The following STAG1 variants were observed in gnomAD, a reference collection of about 807,000 sequenced individuals.
STAG1 encodes cohesin subunit SA-1.
In STAG1, 26 loss-of-function variants were observed where a neutral mutation model predicts 170.9. The ratio of observed to expected loss-of-function variants is 0.15; its 90% CI spans 0.11 to 0.21. STAG1 has a LOEUF of 0.21. STAG1 is among the 10% of genes least tolerant of loss of function. The probability of loss-of-function intolerance (pLI) is 1.00; values close to 1 mark genes in which losing one functional copy is unlikely to be tolerated. For synonymous variants in STAG1, 514 were observed against 497.7 expected, an observed-to-expected ratio of 1.03 and a Z score of -0.44; for missense variants, 964 against 1,509.5, an observed-to-expected ratio of 0.64 and a Z score of 5.99.
chr3:136,407,064 T>A (rs2087504542), intron 21 of STAG1, among the ~76,000 whole-genome samples: 1 of 152,256 alleles, frequency 6.6e-6, no homozygotes, highest in African/African-American at 2.4e-5. Flanking sequence ...TTTGCTCTTG[T>A]TGCCCAGGCT....
chr3:136,642,979 C>T (rs545306025), intron 1 of STAG1, among the ~76,000 whole-genome samples: 3 of 152,318 alleles, frequency 2.0e-5, no homozygotes, highest in African/African-American at 7.2e-5. Context: ...ATTCTCTTCC[C>T]TGTGTCTGTC....
intron 28 of STAG1, among the ~76,000 whole-genome samples, chr3:136,355,125 G>A (rs1432568344): frequency 2.0e-5 from 3 of 151,798 alleles, no homozygotes; most frequent in East Asian, 3.9e-4. Flanking sequence ...GGCCGAGGTG[G>A]GCAGATTACT....
intron 5 of STAG1, among the ~76,000 whole-genome samples, chr3:136,548,971 C>A (rs1936272252): frequency 6.6e-6 from 1 of 152,174 alleles, no homozygotes; most frequent in Non-Finnish European, 1.5e-5. Flanking sequence ...GCTTTCCCTT[C>A]TAATTCTGCC....
At chr3:136,445,670 T>C (rs1355750386) in intron 14 of STAG1, among the ~76,000 whole-genome samples, 2 of 152,196 alleles carry the variant, frequency 1.3e-5, no homozygotes, top group African/African-American at 4.8e-5. Context: ...TGTATTTCTG[T>C]AGAATAGGTA....
rs755841845 is a variant in STAG1, at chr3:136,359,138, TCTCA to T, written c.2936+6_2936+9del. ...CAGATTCTGCATAACAAAGTGTTTA[TCTCA>T]CTCACTTGTGAAGTGTGGCAACTGC... On this transcript the variant is annotated splice_donor_region_variant and intron_variant, in intron 27 of 33. Coordinates refer to ENST00000383202, the MANE Select transcript of STAG1 (RefSeq NM_005862.3). 2 of 1,596,054 alleles carry T rather than the reference TCTCA, an allele frequency of 1.3e-6. No individual in the cohort carries two copies. The highest frequency in any genetic ancestry group is 1.1e-5 in the South Asian group (1 of 88,284).
chr3:136,653,979 G>A (rs1053663299), intron 1 of STAG1, among the ~76,000 whole-genome samples: 5 of 151,998 alleles, frequency 3.3e-5, no homozygotes, highest in African/African-American at 1.2e-4. Context: ...CAACATAAGG[G>A]AATTTTCTCA....
chr3:136,645,719 C>T (rs1478229125), intron 1 of STAG1, among the ~76,000 whole-genome samples: 1 of 152,166 alleles, frequency 6.6e-6, no homozygotes, highest in East Asian at 1.9e-4. Flanking sequence ...GAAATAGTCT[C>T]CTACACTCTG....
chr3:136,739,639 G>T (rs1227882785), intron 1 of STAG1, among the ~76,000 whole-genome samples: 1 of 151,154 alleles, frequency 6.6e-6, no homozygotes, highest in Non-Finnish European at 1.5e-5. Flanking sequence ...GGCCAACATA[G>T]TGAAACCCCA....
intron 28 of STAG1, among the ~76,000 whole-genome samples, chr3:136,354,769 C>CAAAAAAAAAAAAAAAAAAAAAAT (rs1553790184): frequency 1.1e-4 from 1 of 9,088 alleles, no homozygotes; most frequent in Non-Finnish European, 2.3e-4. Flanking sequence ...AAAAAAAAAA[C>CAAAAAAAAAAAAAAAAAAAAAAT]CAAAAAACAA....
In STAG1 at chr3:136,344,834, G is replaced by A. The variant is rs539670175; in HGVS notation, c.3272-828C>T. Among the ~76,000 whole-genome samples the A allele has an allele frequency of 2.4e-3, 370 of 151,338 alleles. 1 individual carries two copies. Among genetic ancestry groups the A allele is most frequent in the Admixed American group, 4.4e-3 (67 of 15,162 alleles). ...TCATTATGTTGGCCAGTCTGGTCTC[G>A]AACTCCTGACCTCAGGTGATCCGCC... On this transcript the variant is annotated intron_variant, in intron 29 of 33. Transcript: ENST00000383202.
At chr3:136,475,762 G>C (rs2089733480) in intron 10 of STAG1, among the ~76,000 whole-genome samples, 1 of 152,204 alleles carries the variant, frequency 6.6e-6, no homozygotes, top group Admixed American at 6.5e-5. Context: ...AGAGCAAATA[G>C]TAACTGTAAA....
intron 14 of STAG1, among the ~76,000 whole-genome samples, chr3:136,448,534 A>T (rs554049125): frequency 2.0e-5 from 3 of 152,310 alleles, no homozygotes; most frequent in Admixed American, 6.5e-5. Context: ...TGCCCTTATG[A>T]TACAGTTATC....
intron 1 of STAG1, among the ~76,000 whole-genome samples, chr3:136,723,788 G>A (rs1436871361): frequency 1.4e-5 from 2 of 145,254 alleles, no homozygotes; most frequent in South Asian, 2.2e-4. Context: ...GAGGTGGGGG[G>A]GTCAGCCCCC....
At chr3:136,400,705 T>C (rs2087299581) in intron 21 of STAG1, among the ~76,000 whole-genome samples, 1 of 152,056 alleles carries the variant, frequency 6.6e-6, no homozygotes, top group Admixed American at 6.6e-5. Context: ...CTGGCTAATT[T>C]TTGTATTTTT....
At chr3:136,750,415 T>C (rs1935170656) in intron 1 of STAG1, among the ~76,000 whole-genome samples, 1 of 152,116 alleles carries the variant, frequency 6.6e-6, no homozygotes, top group South Asian at 2.1e-4. Flanking sequence ...ACCCACTCCT[T>C]CTCCCCTACA....
At chr3:136,640,748 C>T (rs1304234191) in intron 1 of STAG1, among the ~76,000 whole-genome samples, 11 of 150,534 alleles carry the variant, frequency 7.3e-5, no homozygotes, top group African/African-American at 2.7e-4. Context: ...TTTTGGCTTG[C>T]TGCAACCTGT....
intron 1 of STAG1, among the ~76,000 whole-genome samples, chr3:136,716,407 G>A (rs555019978): frequency 6.6e-6 from 1 of 152,114 alleles, no homozygotes; most frequent in Non-Finnish European, 1.5e-5. Context: ...CGGTTGCAGT[G>A]AGCCGAGATC....
chr3:136,517,046 G>A lies in STAG1; in HGVS notation c.676+4167C>T, dbSNP rs139494622. ...ATTTCATATGTCATTTCCTTCCTCA[G>A]AGGAAAAGTCTGGAGATGCTGATTC... On this transcript the variant is annotated intron_variant, in intron 7 of 33. Coordinates refer to ENST00000383202, the MANE Select transcript of STAG1 (RefSeq NM_005862.3). Among the ~76,000 whole-genome samples, 959 of 152,266 alleles carry A rather than the reference G, an allele frequency of 6.3e-3. 13 individuals are homozygous for A. The highest frequency in any genetic ancestry group is 0.021 in the African/African-American group (868 of 41,560).
At chr3:136,365,391 T>G (rs1224139258) in intron 25 of STAG1, among the ~76,000 whole-genome samples, 1 of 152,188 alleles carries the variant, frequency 6.6e-6, no homozygotes, top group South Asian at 2.1e-4. Context: ...GTGGAGATTA[T>G]GGAAACTTTG....
Sources: allele counts gnomAD v4.1 joint callset (sites outside exome capture counted in the v4.1 genomes callset), GRCh38; gene constraint gnomAD v4.1.1; transcripts MANE v1.5; gene names NCBI Gene and HGNC (gene_info 2026-07-23, HGNC 2026-07-21).